Variants in FREM2 observed in about 807,000 individuals in gnomAD.
The protein encoded by FREM2 is FRAS1-related extracellular matrix protein 2.
A neutral mutation model predicts 219.9 loss-of-function variants in FREM2; 119 were observed. The ratio of observed to expected loss-of-function variants is 0.54; its 90% CI spans 0.47 to 0.63. FREM2 has a LOEUF of 0.63. Ranked by LOEUF, FREM2 falls within the 30% of genes least tolerant of loss-of-function variation. FREM2 has a pLI of 0.00. For synonymous variants in FREM2, 1,562 were observed against 1,522.8 expected, an observed-to-expected ratio of 1.03 and a Z score of -0.60; for missense variants, 4,030 against 3,993.6, an observed-to-expected ratio of 1.01 and a Z score of -0.25.
intron 11 of FREM2, among the ~76,000 whole-genome samples, chr13:38,854,635 A>G (rs533145753): frequency 1.3e-5 from 2 of 152,350 alleles, no homozygotes; most frequent in African/African-American, 2.4e-5. Flanking sequence ...CTCTGGAACA[A>G]GAACTGTAAG....
rs1489865796 is a variant in FREM2 at position 38,687,522 on chromosome 13, C to G, written c.178C>G (p.Leu60Val). ...CGGCAGGGCGTTGCTGTCCCCTGGTCTCGCGGGGGCTGCAGGGGTCCCTGC... is the reference window on the plus strand; with the variant it reads ...CGGCAGGGCGTTGCTGTCCCCTGGTGTCGCGGGGGCTGCAGGGGTCCCTGC... ...AFGRALLSPG[L>V]AGAAGVPAEE... The change falls in exon 1 of 24, where the codon CTC becomes GTC. Residue 60 changes from leucine (L) to valine (V), a missense_variant. Physicochemically the swap from Leu to Val is conservative, Grantham distance 32. This residue lies in a region of FREM2 where 3,102 missense variants were observed against 2,950.7 expected (regional missense o/e 1.05). Coordinates refer to ENST00000280481, the MANE Select transcript of FREM2 (RefSeq NM_207361.6). 2 of 1,598,044 alleles carry G rather than the reference C, an allele frequency of 1.3e-6. No individual in the cohort carries two copies. Among genetic ancestry groups the G allele is most frequent in the Admixed American group, 3.5e-5 (2 of 57,760 alleles).
At chr13:38,799,099 G>A (rs1366202346) in intron 6 of FREM2, among the ~76,000 whole-genome samples, 3 of 151,752 alleles carry the variant, frequency 2.0e-5, no homozygotes, top group Non-Finnish European at 4.4e-5. Flanking sequence ...CTACATTTTC[G>A]ATGTAGGCAT....
At chr13:38,808,311 A>C (rs1192537376) in intron 6 of FREM2, among the ~76,000 whole-genome samples, 2 of 151,788 alleles carry the variant, frequency 1.3e-5, no homozygotes, top group Non-Finnish European at 2.9e-5. Flanking sequence ...CAAAATGGCT[A>C]TTTCGCTTTC....
chr13:38,870,060 CAT>C (rs1038903321), intron 16 of FREM2, among the ~76,000 whole-genome samples: 1 of 152,074 alleles, frequency 6.6e-6, no homozygotes, highest in Non-Finnish European at 1.5e-5. Flanking sequence ...TATCAGAAGA[CAT>C]AGAATAATTT....
intron 2 of FREM2, among the ~76,000 whole-genome samples, chr13:38,714,581 A>G (rs1870912145): frequency 6.6e-6 from 1 of 152,140 alleles, no homozygotes; most frequent in African/African-American, 2.4e-5. Flanking sequence ...GATTACTAAG[A>G]GAGTGTATGT....
chr13:38,738,153 A>G (rs372891910), intron 2 of FREM2, among the ~76,000 whole-genome samples: 2 of 152,204 alleles, frequency 1.3e-5, no homozygotes, highest in East Asian at 3.9e-4. Context: ...ACTGTTTTCT[A>G]CAATATGGAA....
chr13:38,723,812 C>A (rs372664915), intron 2 of FREM2, among the ~76,000 whole-genome samples: 2 of 152,248 alleles, frequency 1.3e-5, no homozygotes, highest in African/African-American at 4.8e-5. Flanking sequence ...GCTCCAAGAG[C>A]TTTATGGTTT....
intron 2 of FREM2, among the ~76,000 whole-genome samples, chr13:38,762,265 G>C (rs1873255369): frequency 6.6e-6 from 1 of 152,142 alleles, no homozygotes; most frequent in Non-Finnish European, 1.5e-5. Flanking sequence ...AAGTGATGTG[G>C]GTGGGCCTTG....
chr13:38,834,245 A>G (rs1318710346), intron 6 of FREM2, among the ~76,000 whole-genome samples: 2 of 149,644 alleles, frequency 1.3e-5, no homozygotes, highest in Non-Finnish European at 3.0e-5. Flanking sequence ...TTCAACTCCT[A>G]CTTATGAGTG....
chr13:38,786,008 T>A (rs1874313896), intron 6 of FREM2, among the ~76,000 whole-genome samples: 1 of 152,224 alleles, frequency 6.6e-6, no homozygotes, highest in Non-Finnish European at 1.5e-5. Flanking sequence ...AGTGGTCAGA[T>A]CAGCATAATT....
At chr13:38,783,221 G>A (rs778567170) in intron 5 of FREM2, 26 bp downstream of exon 5, 1 of 1,613,468 alleles carries the variant, frequency 6.2e-7, no homozygotes, top group Non-Finnish European at 8.5e-7. Context: ...GAAAAACTAA[G>A]ATAACCCCCA....
Position 38,822,347 on chromosome 13 carries a change from CTTTTTTTTTTT to C in FREM2, c.6020-24212_6020-24202del, listed in dbSNP as rs951562767. 2.3e-4 allele frequency among the ~76,000 whole-genome samples: 23 copies of C among 100,042 alleles called. No homozygotes were observed. The South Asian group carries it at 8.3e-3, about 36-fold the overall frequency. 65.6% of individuals were successfully genotyped at this position (100,042 alleles called of 152,430 possible). A position where few individuals can be genotyped will look rare whatever the true frequency, so the allele number is the denominator to read the frequency against. ...CCAACAAGGAGCCCATTCTTTCTTT[CTTTTTTTTTTT>C]TTTTTTTTTTTTTAAGAATCACACT... On this transcript the variant is annotated intron_variant, in intron 6 of 23. Transcript: ENST00000280481.
Position 38,851,083 on chromosome 13 carries a change from C to G in FREM2, c.6717C>G (p.Leu2239=), listed in dbSNP as rs990401845. 3.1e-6 allele frequency: 5 copies of G among 1,613,884 alleles called. No individual in the cohort carries two copies. Among genetic ancestry groups the G allele is most frequent in the African/African-American group, 1.3e-5 (1 of 75,026 alleles). ...GAAVGEQNET[L]IRIRDDADKT... is the part of the protein sequence containing the mutation. ...CAGTTGGTGAACAAAATGAAACTCT[C>G]ATAAGGATCCGAGATGATGCTGATA... Residue 2239 remains leucine, a synonymous_variant, in exon 10 of 24, where the codon CTC becomes CTG. Transcript: ENST00000280481.
chr13:38,871,602 G>A (rs1878160962), intron 16 of FREM2, among the ~76,000 whole-genome samples: 1 of 152,146 alleles, frequency 6.6e-6, no homozygotes, highest in African/African-American at 2.4e-5. Context: ...TTCTGATCTT[G>A]TCCGAGCCAT....
intron 6 of FREM2, among the ~76,000 whole-genome samples, chr13:38,818,601 G>A (rs1383668183): frequency 6.6e-6 from 1 of 152,094 alleles, no homozygotes; most frequent in Admixed American, 6.6e-5. Flanking sequence ...CAATTACATA[G>A]AAGGAATAAA....
intron 2 of FREM2, among the ~76,000 whole-genome samples, chr13:38,736,438 A>G (rs947945137): frequency 2.6e-5 from 4 of 152,222 alleles, no homozygotes; most frequent in Non-Finnish European, 5.9e-5. Context: ...TATTGTTTTT[A>G]AAAAGCTAGA....
chr13:38,777,107 T>C (rs1873903452), intron 4 of FREM2, among the ~76,000 whole-genome samples: 2 of 151,904 alleles, frequency 1.3e-5, no homozygotes, highest in Admixed American at 6.6e-5. Flanking sequence ...TGTGAAGATT[T>C]ATTAATATGC....
intron 15 of FREM2, 26 bp downstream of exon 15, chr13:38,861,588 A>G (rs1387112054): frequency 5.6e-6 from 9 of 1,613,432 alleles, no homozygotes; most frequent in Non-Finnish European, 7.6e-6. Context: ...AAGCAAATCC[A>G]TGGAATTGTT....
At chr13:38,868,171 A>T (rs192234965) in intron 16 of FREM2, among the ~76,000 whole-genome samples, 4 of 152,376 alleles carry the variant, frequency 2.6e-5, no homozygotes, top group Admixed American at 2.6e-4. Flanking sequence ...AGAAGAAAAT[A>T]AAAATTAAAG....
Sources: allele counts gnomAD v4.1 joint callset (sites outside exome capture counted in the v4.1 genomes callset), GRCh38; gene constraint gnomAD v4.1.1; regional missense constraint gnomAD v4.1.1; transcripts MANE v1.5; gene names NCBI Gene and HGNC (gene_info 2026-07-23, HGNC 2026-07-21).